The following TMEM132C variants were observed in gnomAD, a reference collection of about 807,000 sequenced individuals.
The protein encoded by TMEM132C is protein phosphatase 1, regulatory subunit 152.
In TMEM132C, 29 loss-of-function variants were observed where a neutral mutation model predicts 61.4. The observed-to-expected ratio is 0.47, with a 90% CI of 0.35 to 0.64. The LOEUF is 0.64. Among genes scored for constraint, TMEM132C ranks in the 30% least tolerant of loss-of-function variants. TMEM132C has a pLI of 0.00. For missense variants in TMEM132C, 1,408 were observed against 1,476.9 expected (o/e 0.95, Z 0.76); for synonymous variants, 656 against 633.1 (o/e 1.04, Z -0.54).
intron 3 of TMEM132C, among the ~76,000 whole-genome samples, chr12:128,556,678 T>A (rs1300668402): frequency 6.6e-6 from 1 of 152,140 alleles, no homozygotes; most frequent in Non-Finnish European, 1.5e-5. Flanking sequence ...CTTTCAAAGC[T>A]AAATCATAAA....
At chr12:128,591,170 G>A (rs184799624) in intron 3 of TMEM132C, among the ~76,000 whole-genome samples, 73 of 152,272 alleles carry the variant, frequency 4.8e-4, no homozygotes, top group East Asian at 1.5e-3. Flanking sequence ...ATGGTTTTTA[G>A]TGTATCTGCA....
intron 1 of TMEM132C, among the ~76,000 whole-genome samples, chr12:128,396,383 CGTG>C (rs1874956993): frequency 8.1e-6 from 1 of 123,336 alleles, no homozygotes; most frequent in African/African-American, 3.9e-5. Context: ...TGGGGCCTGT[CGTG>C]GGGGTGAGGG....
chr12:128,600,218 G>C (rs1185794171), intron 3 of TMEM132C, among the ~76,000 whole-genome samples: 2 of 152,096 alleles, frequency 1.3e-5, no homozygotes, highest in East Asian at 3.9e-4. Flanking sequence ...TCCTGACCTT[G>C]TGATCTGCCC....
chr12:128,446,143 A>G (rs1430524566), intron 2 of TMEM132C, among the ~76,000 whole-genome samples: 1 of 152,226 alleles, frequency 6.6e-6, no homozygotes, highest in African/African-American at 2.4e-5. Context: ...CCCATTTTCA[A>G]TCAGCGTGAA....
At chr12:128,376,342 T>C (rs964934695) in intron 1 of TMEM132C, among the ~76,000 whole-genome samples, 1 of 152,218 alleles carries the variant, frequency 6.6e-6, no homozygotes, top group Non-Finnish European at 1.5e-5. Context: ...GATGTTGTCA[T>C]AGAAATCTGA....
chr12:128,598,062 G>C (rs764467595), intron 3 of TMEM132C, among the ~76,000 whole-genome samples: 26 of 152,210 alleles, frequency 1.7e-4, no homozygotes, highest in Non-Finnish European at 3.2e-4. Context: ...GCTTCTCAAA[G>C]ACTGTTTCTT....
At chr12:128,487,659 A>T (rs1258298851) in intron 2 of TMEM132C, among the ~76,000 whole-genome samples, 1 of 151,380 alleles carries the variant, frequency 6.6e-6, no homozygotes. Flanking sequence ...ATACACAGGC[A>T]CACACGTGAA....
chr12:128,384,294 T>C (rs1874508066), intron 1 of TMEM132C, among the ~76,000 whole-genome samples: 1 of 152,148 alleles, frequency 6.6e-6, no homozygotes, highest in East Asian at 1.9e-4. Flanking sequence ...GGGCGCACCC[T>C]CCCTGCAGAA....
chr12:128,665,621 GCACA>G (rs139344256), intron 4 of TMEM132C, among the ~76,000 whole-genome samples: 6,967 of 120,222 alleles, frequency 0.058, 559 homozygotes, highest in African/African-American at 0.19. Flanking sequence ...CCAAACACAG[GCACA>G]CACACACACA....
At chr12:128,385,854 C>A (rs1380267210) in intron 1 of TMEM132C, among the ~76,000 whole-genome samples, 2 of 152,190 alleles carry the variant, frequency 1.3e-5, no homozygotes, top group Non-Finnish European at 1.5e-5. Flanking sequence ...GAGTCATACA[C>A]CAGTGACGTG....
At chr12:128,385,152 T>A (rs537226935) in intron 1 of TMEM132C, among the ~76,000 whole-genome samples, 3 of 152,308 alleles carry the variant, frequency 2.0e-5, no homozygotes, top group African/African-American at 7.2e-5. Flanking sequence ...TTGGTTATGG[T>A]CTCAGCCTCC....
intron 4 of TMEM132C, among the ~76,000 whole-genome samples, chr12:128,647,558 T>A (rs1448374813): frequency 6.6e-6 from 1 of 152,090 alleles, no homozygotes; most frequent in Non-Finnish European, 1.5e-5. Flanking sequence ...TGTGAGTGTG[T>A]TTACTAGATC....
intron 1 of TMEM132C, among the ~76,000 whole-genome samples, chr12:128,353,097 G>A (rs558940887): frequency 2.0e-5 from 3 of 152,274 alleles, no homozygotes; most frequent in South Asian, 2.1e-4. Flanking sequence ...ATATAACAAA[G>A]TAGAGAAATA....
chr12:128,617,618 A>G (rs1461311203), intron 4 of TMEM132C, among the ~76,000 whole-genome samples: 1 of 151,642 alleles, frequency 6.6e-6, no homozygotes, highest in Non-Finnish European at 1.5e-5. Flanking sequence ...GTCAGGTGGG[A>G]CAGGTGTGGA....
intron 1 of TMEM132C, among the ~76,000 whole-genome samples, chr12:128,408,060 T>C (rs534444974): frequency 6.6e-6 from 1 of 152,094 alleles, no homozygotes; most frequent in Non-Finnish European, 1.5e-5. Context: ...AAGTCAAATC[T>C]CTCAGGAGCT....
intron 1 of TMEM132C, among the ~76,000 whole-genome samples, chr12:128,364,312 T>G: frequency 3.5e-5 from 2 of 56,490 alleles, no homozygotes; most frequent in South Asian, 5.7e-4. Context: ...TCTCTCCCCC[T>G]CCTCCCCTCC....
chr12:128,367,749 A>G (rs1467610366), intron 1 of TMEM132C, among the ~76,000 whole-genome samples: 2 of 152,240 alleles, frequency 1.3e-5, no homozygotes, highest in Non-Finnish European at 2.9e-5. Context: ...AAGTAAAAAA[A>G]AAAAATCACA....
At chr12:128,291,245 G>A (rs1871237558) in intron 1 of TMEM132C, among the ~76,000 whole-genome samples, 1 of 152,214 alleles carries the variant, frequency 6.6e-6, no homozygotes, top group Non-Finnish European at 1.5e-5. Context: ...CCTCCCAGGA[G>A]TCATGACACA....
rs1872521886 is a variant in TMEM132C, at chr12:128,326,506, ATCC to A, written c.85+59021_85+59023del. Among the ~76,000 whole-genome samples the A allele has an allele frequency of 6.6e-6, 1 of 152,202 alleles. No individual in the cohort carries two copies. Among genetic ancestry groups the A allele is most frequent in the South Asian group, 2.1e-4 (1 of 4,826 alleles). ...TTCTCCAGAGGGGTCTTGGTTTTCC[ATCC>A]TGCCCTGAGCCTAGTGTGAGGTGGA... On this transcript the variant is annotated intron_variant, in intron 1 of 8. Transcript: ENST00000435159. This position sits in a 1 kb window ranked among gnomAD's most constrained non-coding sequence, Gnocchi z 5.6.
Sources: gnomAD v4.1 joint callset for allele counts (sites outside exome capture counted in the v4.1 genomes callset) on GRCh38, gnomAD v4.1.1 for gene constraint, Gnocchi (gnomAD v3.1) non-coding constraint, MANE v1.5 for transcripts, NCBI Gene and HGNC (gene_info 2026-07-23, HGNC 2026-07-21) for gene names.